CEP128: variants seen among roughly 807,000 people sequenced by gnomAD.
The protein encoded by CEP128 is centrosomal protein 128kDa.
CEP128 carries 132 observed loss-of-function variants against 156.7 expected under a neutral mutation model. That is an observed-to-expected ratio of 0.84 (90% CI 0.73 to 0.97). The LOEUF is 0.97. Ranked by LOEUF, CEP128 falls within the 50% of genes least tolerant of loss-of-function variation. The pLI is 0.00. For synonymous variants in CEP128, 469 were observed against 448.9 expected (o/e 1.04, Z -0.57); for missense variants, 1,252 against 1,281.9 (o/e 0.98, Z 0.36).
At chr14:80,541,424 G>A (rs1368811931) in intron 21 of CEP128, among the ~76,000 whole-genome samples, 2 of 128,592 alleles carry the variant, frequency 1.6e-5, no homozygotes, top group East Asian at 2.5e-4. Context: ...ATGGCAGAAA[G>A]TGAAGCTAAT....
intron 19 of CEP128, among the ~76,000 whole-genome samples, chr14:80,690,209 C>A (rs1486302815): frequency 6.8e-6 from 1 of 147,274 alleles, no homozygotes; most frequent in Non-Finnish European, 1.5e-5. Flanking sequence ...CAGTTCGAGA[C>A]CAGCCTGACC....
intron 23 of CEP128, among the ~76,000 whole-genome samples, chr14:80,516,342 CA>C (rs886427443): frequency 1.3e-5 from 2 of 152,142 alleles, no homozygotes; most frequent in Admixed American, 1.3e-4. Flanking sequence ...ATCCAAGTTG[CA>C]AAACAAAGTC....
intron 13 of CEP128, among the ~76,000 whole-genome samples, chr14:80,820,828 A>G (rs1185140594): frequency 6.6e-6 from 1 of 152,250 alleles, no homozygotes; most frequent in Non-Finnish European, 1.5e-5. Context: ...GAGAATTGCC[A>G]CAAGTTTGCC....
At chr14:80,895,032 G>A (rs1490333739) in intron 8 of CEP128, among the ~76,000 whole-genome samples, 1 of 151,878 alleles carries the variant, frequency 6.6e-6, no homozygotes, top group Admixed American at 6.6e-5. Flanking sequence ...CACTCCTGAA[G>A]TTGACAAATT....
chr14:80,850,548 G>A (rs959329378), intron 9 of CEP128, among the ~76,000 whole-genome samples: 2 of 152,034 alleles, frequency 1.3e-5, no homozygotes, highest in South Asian at 2.1e-4. Flanking sequence ...AGAAAAACAC[G>A]AAGAAAAGGA....
chr14:80,496,133 T>C (rs970542691), downstream of CEP128, among the ~76,000 whole-genome samples: 5 of 152,208 alleles, frequency 3.3e-5, no homozygotes, highest in African/African-American at 4.8e-5. Context: ...TAATTCCTGA[T>C]GCCAAACAAA....
chr14:80,644,663 A>C (rs572215858), intron 19 of CEP128, among the ~76,000 whole-genome samples: 1 of 152,326 alleles, frequency 6.6e-6, no homozygotes, highest in South Asian at 2.1e-4. Flanking sequence ...AATTCAATGC[A>C]ACAACAAAAT....
At chr14:80,770,534 G>A (rs1455098850) in intron 16 of CEP128, among the ~76,000 whole-genome samples, 3 of 152,056 alleles carry the variant, frequency 2.0e-5, no homozygotes, top group Admixed American at 6.6e-5. Context: ...GGAGTACTCT[G>A]GGCTTAATGG....
chr14:80,533,591 T>G (rs1362064989), intron 21 of CEP128, among the ~76,000 whole-genome samples: 2 of 152,164 alleles, frequency 1.3e-5, no homozygotes, highest in Non-Finnish European at 2.9e-5. Context: ...AACGGCTATG[T>G]TTTTGTGAGT....
At chr14:80,698,715 G>A (rs1228179758) in intron 19 of CEP128, among the ~76,000 whole-genome samples, 1 of 151,704 alleles carries the variant, frequency 6.6e-6, no homozygotes, top group African/African-American at 2.4e-5. Flanking sequence ...TTATAATAAA[G>A]GTGATTTCTA....
chr14:80,495,116 C>A (rs191196431), downstream of CEP128, among the ~76,000 whole-genome samples: 21 of 152,268 alleles, frequency 1.4e-4, no homozygotes, highest in East Asian at 3.1e-3. Flanking sequence ...AGGCTTACTG[C>A]AGAATAAAGT....
intron 2 of CEP128, among the ~76,000 whole-genome samples, chr14:80,935,556 CAATAAATA>C (rs59491221): frequency 0.023 from 2,613 of 113,880 alleles, 60 homozygotes; most frequent in Middle Eastern, 0.07. Context: ...GAGTCTGTCT[CAATAAATA>C]AATAAATAAA....
intron 13 of CEP128, among the ~76,000 whole-genome samples, chr14:80,799,398 T>C (rs1417315585): frequency 6.6e-6 from 1 of 152,190 alleles, no homozygotes; most frequent in African/African-American, 2.4e-5. Context: ...AGCGTACAGA[T>C]TGATTGTAAA....
At chr14:80,647,614 CAG>C (rs1894720242) in intron 19 of CEP128, among the ~76,000 whole-genome samples, 2 of 151,950 alleles carry the variant, frequency 1.3e-5, no homozygotes, top group East Asian at 1.9e-4. Flanking sequence ...TGGTCTCCAA[CAG>C]GGGAGATTTG....
chr14:80,951,605 C>A (rs182645447), intron 2 of CEP128, among the ~76,000 whole-genome samples: 42 of 152,062 alleles, frequency 2.8e-4, no homozygotes, highest in Non-Finnish European at 3.8e-4. Context: ...AGAATTGGAT[C>A]AAATAACAAT....
chr14:80,872,670 A>G (rs971365483), intron 8 of CEP128, among the ~76,000 whole-genome samples: 4 of 152,206 alleles, frequency 2.6e-5, no homozygotes, highest in African/African-American at 9.7e-5. Flanking sequence ...ATTTTATTTT[A>G]AACTTAAATC....
intron 19 of CEP128, among the ~76,000 whole-genome samples, chr14:80,731,521 T>C (rs1898270194): frequency 6.6e-6 from 1 of 152,200 alleles, no homozygotes; most frequent in Non-Finnish European, 1.5e-5. Flanking sequence ...TAATGTCACT[T>C]GTATAGGACT....
intron 19 of CEP128, among the ~76,000 whole-genome samples, chr14:80,670,894 T>A (rs574132070): frequency 2.0e-5 from 3 of 152,346 alleles, no homozygotes; most frequent in East Asian, 1.9e-4. Context: ...GAGGATTTTT[T>A]ATCAGTGAGA....
intron 19 of CEP128, among the ~76,000 whole-genome samples, chr14:80,730,113 G>C (rs1034479713): frequency 6.6e-6 from 1 of 152,118 alleles, no homozygotes; most frequent in Non-Finnish European, 1.5e-5. Flanking sequence ...ATTTCAATAT[G>C]AGCTTACAAT....
Sources: allele counts gnomAD v4.1 joint callset (sites outside exome capture counted in the v4.1 genomes callset), GRCh38; gene constraint gnomAD v4.1.1; transcripts MANE v1.5; gene names NCBI Gene and HGNC (gene_info 2026-07-23, HGNC 2026-07-21).